C2orf92: variants seen among roughly 807,000 people sequenced by gnomAD.
The protein encoded by C2orf92 is uncharacterized protein C2orf92.
At chr2:97,678,442 G>A (rs1026955999) in intron 3 of C2orf92, among the ~76,000 whole-genome samples, 1 of 152,000 alleles carries the variant, frequency 6.6e-6, no homozygotes, top group Non-Finnish European at 1.5e-5. Flanking sequence ...TGAAAGACAT[G>A]AATGTGCACA....
At chr2:97,689,813 C>G (rs76853303) in intron 4 of C2orf92, among the ~76,000 whole-genome samples, 4 of 152,294 alleles carry the variant, frequency 2.6e-5, no homozygotes, top group South Asian at 2.1e-4. Context: ...AAGTTGAGTT[C>G]TATATTAGCA....
At chr2:97,670,071 A>T (rs1021689022) in intron 1 of C2orf92, 1 of 373,764 alleles carries the variant, frequency 2.7e-6, no homozygotes. Context: ...GGTGGCATAC[A>T]TGCGTATTTT....
At chr2:97,670,002 G>A (rs908132276) in intron 1 of C2orf92, among the ~76,000 whole-genome samples, 168 bp downstream of exon 1, 1 of 152,190 alleles carries the variant, frequency 6.6e-6, no homozygotes, top group Non-Finnish European at 1.5e-5. Context: ...GGGGAAGGGA[G>A]TAACTGAAAA....
intron 1 of C2orf92, among the ~76,000 whole-genome samples, chr2:97,673,410 T>C (rs1237666939): frequency 6.6e-6 from 1 of 152,152 alleles, no homozygotes; most frequent in African/African-American, 2.4e-5. Flanking sequence ...CATGAGCTAG[T>C]GTTTCCTAGA....
At chr2:97,685,645 C>T (rs1675937839) in intron 3 of C2orf92, among the ~76,000 whole-genome samples, 1 of 152,068 alleles carries the variant, frequency 6.6e-6, no homozygotes, top group Admixed American at 6.6e-5. Context: ...TCACTGCAAC[C>T]TCCACCTCCC....
chr2:97,678,875 C>T (rs1044120774), intron 3 of C2orf92, among the ~76,000 whole-genome samples: 9 of 149,604 alleles, frequency 6.0e-5, no homozygotes, highest in African/African-American at 2.0e-4. Context: ...CTATTCAGCA[C>T]ACTGAGGTGG....
rs947409337 is a variant in C2orf92 at position 97,678,767 on chromosome 2, C to G, written c.232+2839C>G. ...GGCAGATCACTTGAGCCCAGGAATT[C>G]GAGACCAGCCTGGGCAATACGGCAA... On this transcript the variant is annotated intron_variant, in intron 3 of 7. Coordinates refer to ENST00000627399, the MANE Select transcript of C2orf92 (RefSeq NM_001351368.2). Among the ~76,000 whole-genome samples the G allele has an allele frequency of 3.4e-5, 5 of 146,122 alleles. No homozygotes were observed. In the East Asian group the frequency reaches 6.0e-4, roughly 18 times the overall value.
intron 3 of C2orf92, among the ~76,000 whole-genome samples, chr2:97,677,136 C>G (rs1675609434): frequency 6.6e-6 from 1 of 152,172 alleles, no homozygotes; most frequent in African/African-American, 2.4e-5. Flanking sequence ...CATTCCCAAG[C>G]CCTGTGACGG....
intron 1 of C2orf92, chr2:97,671,794 C>G (rs574897294): frequency 1.0e-5 from 3 of 297,588 alleles, no homozygotes; most frequent in Non-Finnish European, 1.8e-5. Flanking sequence ...AGTTTCTGCT[C>G]TGAGGCCCCA....
At chr2:97,683,171 A>G (rs1260084512) in intron 3 of C2orf92, among the ~76,000 whole-genome samples, 2 of 152,064 alleles carry the variant, frequency 1.3e-5, no homozygotes, top group African/African-American at 4.8e-5. Flanking sequence ...AATTGAACAC[A>G]CAAAAATCAG....
intron 3 of C2orf92, among the ~76,000 whole-genome samples, chr2:97,683,538 T>TAAAA (rs35099683): frequency 1.4e-5 from 2 of 138,346 alleles, no homozygotes; most frequent in Non-Finnish European, 1.5e-5. Flanking sequence ...TGGTATCTAT[T>TAAAA]AAAAAAAAAA....
intron 3 of C2orf92, among the ~76,000 whole-genome samples, chr2:97,688,456 TAACCCTC>T (rs773488738): frequency 1.6e-4 from 24 of 152,314 alleles, no homozygotes; most frequent in Non-Finnish European, 3.4e-4. Flanking sequence ...TTCAAAAATG[TAACCCTC>T]ATGAATTAGC....
chr2:97,671,019 T>C (rs1003997789), intron 1 of C2orf92: 1 of 152,518 alleles, frequency 6.6e-6, no homozygotes, highest in African/African-American at 2.4e-5. Flanking sequence ...TGGCGCTATC[T>C]TGGCTCACTG....
chr2:97,694,428 T>A (rs2104593274), intron 5 of C2orf92: 1 of 150,484 alleles, frequency 6.6e-6, no homozygotes, highest in East Asian at 1.9e-4. Flanking sequence ...TTTTTTTTTT[T>A]TTTTTGTATT....
chr2:97,696,726 C>T (rs1014693441), intron 5 of C2orf92, among the ~76,000 whole-genome samples: 3 of 152,020 alleles, frequency 2.0e-5, no homozygotes, highest in Non-Finnish European at 2.9e-5. Context: ...ACAGAGACTC[C>T]GTCTCAAAAA....
chr2:97,699,599 C>G (rs1427458930), intron 6 of C2orf92, among the ~76,000 whole-genome samples: 1 of 152,096 alleles, frequency 6.6e-6, no homozygotes, highest in East Asian at 1.9e-4. Flanking sequence ...GAGCGAGACT[C>G]AATCTAAAAA....
At chr2:97,689,186 A>G (rs1676053184) in intron 4 of C2orf92, among the ~76,000 whole-genome samples, 193 bp downstream of exon 4, 1 of 152,204 alleles carries the variant, frequency 6.6e-6, no homozygotes, top group Non-Finnish European at 1.5e-5. Flanking sequence ...TCTGTGCTCC[A>G]AAGTGTGAAT....
chr2:97,668,424 A>G (rs1675304931), upstream of C2orf92: 1 of 152,148 alleles, frequency 6.6e-6, no homozygotes, highest in South Asian at 2.1e-4. Flanking sequence ...TTCTTAGAAG[A>G]GGAAATGTGG....
intron 4 of C2orf92, among the ~76,000 whole-genome samples, chr2:97,689,790 AT>A (rs1237585347): frequency 6.6e-6 from 1 of 152,170 alleles, no homozygotes; most frequent in Non-Finnish European, 1.5e-5. Context: ...TCAAACACAC[AT>A]TTTGCTCACA....
Sources: allele counts gnomAD v4.1 joint callset (sites outside exome capture counted in the v4.1 genomes callset), GRCh38; gene constraint gnomAD v4.1.1; transcripts MANE v1.5; gene names NCBI Gene and HGNC (gene_info 2026-07-23, HGNC 2026-07-21).